CDK2AP1: variants seen among roughly 807,000 people sequenced by gnomAD.
CDK2AP1 encodes cyclin-dependent kinase 2-associated protein 1.
CDK2AP1 carries 10 observed loss-of-function variants against 14.1 expected under a neutral mutation model. The observed-to-expected ratio is 0.71, with a 90% CI of 0.44 to 1.20. The LOEUF is 1.20. Among genes scored for constraint, CDK2AP1 ranks in the 50% most tolerant of loss-of-function variants. The pLI, the probability that CDK2AP1 is intolerant of heterozygous loss-of-function variation, is 0.00. For synonymous variants in CDK2AP1, 59 were observed against 59.8 expected (o/e 0.99, Z 0.06); for missense variants, 102 against 149.9 (o/e 0.68, Z 1.67).
Position 123,265,408 on chromosome 12 carries a change from C to T in CDK2AP1, c.154-86G>A. The T allele has an allele frequency of 7.4e-7, 1 of 1,347,236 alleles. No homozygotes were observed. The highest frequency in any genetic ancestry group is 1.1e-6 in the Non-Finnish European group (1 of 949,384). The allele number at this position is 1,347,236 out of a possible 1,614,324, so 83.5% of individuals were successfully genotyped here. ...GTCCCAGTTACTCAGGAGGCTGAGG[C>T]AGGAGAACTGCTTGGACCCAGGAGG... On this transcript the variant is annotated intron_variant, in intron 2 of 3. Transcript: ENST00000261692. This position sits in a 1 kb window ranked among gnomAD's most constrained non-coding sequence, Gnocchi z 5.3.
At chr12:123,264,386 G>C (rs1299339978) in intron 3 of CDK2AP1, among the ~76,000 whole-genome samples, 1 of 148,608 alleles carries the variant, frequency 6.7e-6, no homozygotes, top group African/African-American at 2.5e-5. Flanking sequence ...CTTGAACCCA[G>C]GAGGCGGAGG....
rs2048232483 is a variant in CDK2AP1 at position 123,261,515 on chromosome 12, A to AC, written c.*220_*221insG. On this transcript the variant is annotated 3_prime_UTR_variant, in exon 4 of 4. Coordinates refer to ENST00000261692, the MANE Select transcript of CDK2AP1 (RefSeq NM_004642.4). ...TTTTAAATCAATGCTTAAAAAACAA[A>AC]AAAAACCTGGGCAGTTCCTAACTAC... 2.1e-6 allele frequency: 1 copy of AC among 473,938 alleles called. No homozygotes were observed. Among genetic ancestry groups the AC allele is most frequent in the Admixed American group, 3.8e-5 (1 of 26,284 alleles). The allele number at this position is 473,938 out of a possible 1,614,324, so 29.4% of individuals were successfully genotyped here.
chr12:123,270,092 G>A (rs983964483), intron 1 of CDK2AP1: 11 of 380,620 alleles, frequency 2.9e-5, no homozygotes, highest in African/African-American at 2.4e-4. Context: ...ACCAGGGTAA[G>A]CCTGAGCTCA....
intron 3 of CDK2AP1, among the ~76,000 whole-genome samples, chr12:123,264,491 A>AAAAAAAAAAAG (rs71085873): frequency 7.3e-6 from 1 of 137,722 alleles, no homozygotes; most frequent in Non-Finnish European, 1.6e-5. Context: ...AAAAAAAAAA[A>AAAAAAAAAAAG]GAGCCCCAAG....
At position 123,265,065 on chromosome 12, in the gene CDK2AP1, CTG is replaced by C. The variant is rs945617149; in HGVS notation, c.280+129_280+130del. The C allele has an allele frequency of 9.2e-6, 12 of 1,311,228 alleles. No individual in the cohort carries two copies. The African/African-American group carries it at 1.6e-4, about 17-fold the overall frequency. 81.2% of individuals were successfully genotyped at this position (1,311,228 alleles called of 1,614,324 possible). Reference sequence around the variant, plus strand: ...GAGGCCTCCACCACAGACGGCAACTCTGTAACAAGACAGGAGCTCCCATGAGT... The same window carrying C: ...GAGGCCTCCACCACAGACGGCAACTCTAACAAGACAGGAGCTCCCATGAGT... On this transcript the variant is annotated intron_variant, in intron 3 of 3. Coordinates refer to ENST00000261692, the MANE Select transcript of CDK2AP1 (RefSeq NM_004642.4). This position sits in a 1 kb window ranked among gnomAD's most constrained non-coding sequence, Gnocchi z 5.3.
Position 123,270,955 on chromosome 12 carries a change from G to C in CDK2AP1, c.55+609C>G. 1.0e-5 allele frequency: 10 copies of C among 984,756 alleles called. No homozygotes were observed. In the South Asian group the frequency reaches 4.7e-4, roughly 46 times the overall value. The allele number at this position is 984,756 out of a possible 1,614,324, so 61.0% of individuals were successfully genotyped here. ...CCACGCTCCCGGCCGAGGCCCCCGG[G>C]CCTCCGAGTACGCTGCCCGCCGGCG... On this transcript the variant is annotated intron_variant, in intron 1 of 3. Coordinates refer to ENST00000261692, the MANE Select transcript of CDK2AP1 (RefSeq NM_004642.4).
chr12:123,271,079 C>T (rs2048349715), intron 1 of CDK2AP1: 1 of 926,492 alleles, frequency 1.1e-6, no homozygotes, highest in Non-Finnish European at 1.3e-6. Context: ...TCCATCCGCG[C>T]CCGCCCGCGC....
intron 1 of CDK2AP1, among the ~76,000 whole-genome samples, chr12:123,269,597 GCGGCTCCCCACCCCCA>G (rs1388258883): frequency 6.6e-6 from 1 of 152,190 alleles, no homozygotes; most frequent in East Asian, 1.9e-4. Flanking sequence ...GGGGCCAGGC[GCGGCTCCCCACCCCCA>G]CGCCAGACAA....
chr12:123,268,006 C>T (rs2048314302), intron 1 of CDK2AP1: 1 of 173,732 alleles, frequency 5.8e-6, no homozygotes, highest in Non-Finnish European at 1.1e-5. Flanking sequence ...TCCAGAGCTG[C>T]AGTCAGTGAC....
chr12:123,271,676 G>A lies in CDK2AP1; in HGVS notation c.-58C>T. The A allele has an allele frequency of 1.4e-6, 1 of 698,944 alleles. No homozygotes were observed. The highest frequency in any genetic ancestry group is 1.8e-6 in the Non-Finnish European group (1 of 570,882). 43.3% of individuals were successfully genotyped at this position (698,944 alleles called of 1,614,324 possible). A position where few individuals can be genotyped will look rare whatever the true frequency, so the allele number is the denominator to read the frequency against. ...GGGCCAGGCCGCGAGGGCGGCGGCG[G>A]CGGCGGCGAGGCCGGGCGGTAGCGC... is the stretch of plus-strand genomic sequence containing the variant. On this transcript the variant is annotated 5_prime_UTR_variant, in exon 1 of 4. Transcript: ENST00000261692.
intron 1 of CDK2AP1, among the ~76,000 whole-genome samples, chr12:123,269,686 G>C (rs2048335777): frequency 6.6e-6 from 1 of 152,226 alleles, no homozygotes; most frequent in African/African-American, 2.4e-5. Context: ...GGGGCTCTGG[G>C]GCGGGGGAGG....
At chr12:123,270,356 T>G (rs980218108) in intron 1 of CDK2AP1, 8 of 171,106 alleles carry the variant, frequency 4.7e-5, no homozygotes, top group Non-Finnish European at 7.0e-5. Flanking sequence ...GTCCAAGATT[T>G]TTTTTAGGTA....
At chr12:123,270,309 C>A (rs1454255244) in intron 1 of CDK2AP1, 1 of 343,162 alleles carries the variant, frequency 2.9e-6, no homozygotes, top group Non-Finnish European at 4.1e-6. Context: ...CCCTCCGCAC[C>A]CTGACGCTTA....
At chr12:123,267,421 G>A (rs979065602) in intron 1 of CDK2AP1, 139 bp from the exon 2 acceptor site, 3 of 640,834 alleles carry the variant, frequency 4.7e-6, no homozygotes, top group East Asian at 2.8e-5. Context: ...CTCCACCTCC[G>A]GTTTGACCAG....
chr12:123,263,221 A>C (rs373886205), intron 3 of CDK2AP1, among the ~76,000 whole-genome samples: 108 of 151,478 alleles, frequency 7.1e-4, no homozygotes, highest in African/African-American at 1.9e-3. Context: ...AAAAAAAAAA[A>C]AAAAACAAAA....
At position 123,267,194 on chromosome 12, in the gene CDK2AP1, G is replaced by T; in HGVS notation, c.144C>A (p.Gly48=). Residue 48 remains glycine (G), a synonymous_variant, in exon 2 of 4, where the codon GGC becomes GGA. Coordinates refer to ENST00000261692, the MANE Select transcript of CDK2AP1 (RefSeq NM_004642.4). ...LLSDYGPPSL[G]YTQGTGNSQV... is the part of the protein sequence containing the mutation. ...ACCCCCATTGACATACCTGGGTGTAGCCTAGGGACGGTGGCCCGTAGTCAC... is the reference window on the plus strand; with the variant it reads ...ACCCCCATTGACATACCTGGGTGTATCCTAGGGACGGTGGCCCGTAGTCAC... 7.5e-6 allele frequency: 12 copies of T among 1,599,454 alleles called. No individual in the cohort carries two copies. The highest frequency in any genetic ancestry group is 9.4e-6 in the Non-Finnish European group (11 of 1,166,750).
chr12:123,262,128 A>T (rs550618027), intron 3 of CDK2AP1: 1 of 238,242 alleles, frequency 4.2e-6, no homozygotes, highest in Admixed American at 5.2e-5. Flanking sequence ...TTGACCCACT[A>T]TGGAGATTTT....
At chr12:123,262,559 G>C (rs2048244499) in intron 3 of CDK2AP1, among the ~76,000 whole-genome samples, 1 of 152,176 alleles carries the variant, frequency 6.6e-6, no homozygotes, top group Non-Finnish European at 1.5e-5. Context: ...GCAGGCTACA[G>C]TCTCTGACAC....
chr12:123,270,113 G>T, intron 1 of CDK2AP1: 1 of 560,796 alleles, frequency 1.8e-6, no homozygotes, highest in Middle Eastern at 9.0e-4. Flanking sequence ...GCCTTGCCCA[G>T]GCTGGCAACA....
Sources: gnomAD v4.1 joint callset for allele counts (sites outside exome capture counted in the v4.1 genomes callset) on GRCh38, gnomAD v4.1.1 for gene constraint, Gnocchi (gnomAD v3.1) non-coding constraint, MANE v1.5 for transcripts, NCBI Gene and HGNC (gene_info 2026-07-23, HGNC 2026-07-21) for gene names.